The following ST6GALNAC5 variants were observed in gnomAD, a reference collection of about 807,000 sequenced individuals.
The protein encoded by ST6GALNAC5 is ST6 N-acetylgalactosaminide alpha-2,6-sialyltransferase 5.
In ST6GALNAC5, 27 loss-of-function variants were observed where a neutral mutation model predicts 33.6. The ratio of observed to expected loss-of-function variants is 0.80; its 90% CI spans 0.59 to 1.11. The LOEUF (loss-of-function observed/expected upper bound fraction) is 1.11, where lower values mean the gene tolerates loss of function less well. ST6GALNAC5 is among the 50% of genes least tolerant of loss of function. ST6GALNAC5 has a pLI of 0.00. For missense variants in ST6GALNAC5, 428 were observed against 454.0 expected, an observed-to-expected ratio of 0.94 and a Z score of 0.52; for synonymous variants, 194 against 171.2, an observed-to-expected ratio of 1.13 and a Z score of -1.04.
intron 2 of ST6GALNAC5, among the ~76,000 whole-genome samples, chr1:76,929,236 A>G (rs1647113493): frequency 6.6e-6 from 1 of 152,042 alleles, no homozygotes; most frequent in African/African-American, 2.4e-5. Flanking sequence ...AAAAAAAAGT[A>G]AACTAAAATA....
At chr1:76,962,284 C>T (rs1648270986) in intron 2 of ST6GALNAC5, among the ~76,000 whole-genome samples, 1 of 152,068 alleles carries the variant, frequency 6.6e-6, no homozygotes, top group African/African-American at 2.4e-5. Flanking sequence ...CATATCGCTG[C>T]CATAAGGAGT....
intron 3 of ST6GALNAC5, 26 bp from the exon 4 acceptor site, chr1:77,050,232 G>T (rs1209182527): frequency 6.2e-6 from 10 of 1,601,966 alleles, no homozygotes; most frequent in Non-Finnish European, 8.6e-6. Context: ...TTACCAGCTT[G>T]CAGACTTAAT....
chr1:76,874,609 A>G (rs1653585700), intron 2 of ST6GALNAC5, among the ~76,000 whole-genome samples: 1 of 152,166 alleles, frequency 6.6e-6, no homozygotes, highest in African/African-American at 2.4e-5. Flanking sequence ...GTAGGCTGGG[A>G]GACTAGGCCC....
At chr1:76,900,223 G>A (rs1646803972) in intron 2 of ST6GALNAC5, among the ~76,000 whole-genome samples, 1 of 152,122 alleles carries the variant, frequency 6.6e-6, no homozygotes, top group Non-Finnish European at 1.5e-5. Context: ...GATGAGCCAG[G>A]AGAAGGAATT....
rs144577169 is a variant in ST6GALNAC5, at chr1:76,990,872, A to C, written c.262-53332A>C. Among the ~76,000 whole-genome samples, 325 of 152,256 alleles carry C rather than the reference A, an allele frequency of 2.1e-3. 2 individuals carry two copies. Among genetic ancestry groups the C allele is most frequent in the African/African-American group, 7.4e-3 (309 of 41,552 alleles). On this transcript the variant is annotated intron_variant, in intron 2 of 4. Transcript: ENST00000477717. ...ATAGTGCAGTAGTTGGGGATTTATT[A>C]ATGGCAGAGAGCCTTTACCATTTCT...
intron 2 of ST6GALNAC5, among the ~76,000 whole-genome samples, chr1:76,895,229 T>A (rs1654102278): frequency 6.6e-6 from 1 of 152,206 alleles, no homozygotes; most frequent in African/African-American, 2.4e-5. Flanking sequence ...CATTCCTGTC[T>A]TCTTATATTA....
chr1:76,987,624 A>G (rs1649565029), intron 2 of ST6GALNAC5, among the ~76,000 whole-genome samples: 1 of 152,176 alleles, frequency 6.6e-6, no homozygotes. Flanking sequence ...ATGTCCACAC[A>G]AAAGCTTTTG....
intron 2 of ST6GALNAC5, among the ~76,000 whole-genome samples, chr1:76,985,585 C>A (rs1649460823): frequency 6.6e-6 from 1 of 152,082 alleles, no homozygotes; most frequent in South Asian, 2.1e-4. Context: ...GCCACACTGC[C>A]CAGGGTAATT....
chr1:77,000,729 C>G lies in ST6GALNAC5; in HGVS notation c.262-43475C>G, dbSNP rs1028544245. On this transcript the variant is annotated intron_variant, in intron 2 of 4. Transcript: ENST00000477717. ...ACATATGGCTAGCCAGTTTTCCCAG[C>G]ACCATTTATTAAATAGGGAATCCTT... Among the ~76,000 whole-genome samples the G allele has an allele frequency of 1.6e-4, 24 of 150,168 alleles. No individual in the cohort carries two copies. The South Asian group carries it at 5.1e-3, about 32-fold the overall frequency.
At position 76,960,620 on chromosome 1, in the gene ST6GALNAC5, C is replaced by T. The variant is rs190722578; in HGVS notation, c.262-83584C>T. 1.1e-4 allele frequency among the ~76,000 whole-genome samples: 16 copies of T among 152,190 alleles called. No individual in the cohort carries two copies. In the East Asian group the frequency reaches 1.5e-3, roughly 15 times the overall value. ...GGGGCTTATTTCATCCCTACAGCTT[C>T]GACCATAAAAGATGGCCAACCCCCG... On this transcript the variant is annotated intron_variant, in intron 2 of 4. Transcript: ENST00000477717.
intron 2 of ST6GALNAC5, among the ~76,000 whole-genome samples, chr1:76,972,500 G>A (rs1185201316): frequency 2.0e-5 from 3 of 152,106 alleles, no homozygotes; most frequent in Non-Finnish European, 4.4e-5. Flanking sequence ...GCATTTCATA[G>A]CTACACATAG....
intron 2 of ST6GALNAC5, among the ~76,000 whole-genome samples, chr1:77,006,814 C>G (rs944172461): frequency 1.3e-5 from 2 of 152,144 alleles, no homozygotes; most frequent in African/African-American, 4.8e-5. Flanking sequence ...TGTCTGGTCT[C>G]TGTTGGCCTA....
At chr1:76,907,396 A>G (rs1646874428) in intron 2 of ST6GALNAC5, among the ~76,000 whole-genome samples, 1 of 152,190 alleles carries the variant, frequency 6.6e-6, no homozygotes, top group Non-Finnish European at 1.5e-5. Flanking sequence ...CACTTGAGGC[A>G]GCAGGCTGTC....
At chr1:76,949,536 A>G (rs1647662814) in intron 2 of ST6GALNAC5, among the ~76,000 whole-genome samples, 1 of 152,120 alleles carries the variant, frequency 6.6e-6, no homozygotes, top group Non-Finnish European at 1.5e-5. Context: ...TCTGAGCTCC[A>G]GTTTTCCTCA....
intron 2 of ST6GALNAC5, among the ~76,000 whole-genome samples, chr1:77,026,566 T>C (rs997599631): frequency 6.6e-6 from 1 of 152,154 alleles, no homozygotes; most frequent in Non-Finnish European, 1.5e-5. Flanking sequence ...CTTGGCTCCA[T>C]GTGCCAAGCA....
chr1:76,944,566 G>A (rs1465538526), intron 2 of ST6GALNAC5, among the ~76,000 whole-genome samples: 2 of 152,044 alleles, frequency 1.3e-5, no homozygotes, highest in Non-Finnish European at 2.9e-5. Context: ...GGCATCCCCA[G>A]TGCTGGTATG....
intron 4 of ST6GALNAC5, among the ~76,000 whole-genome samples, chr1:77,054,298 G>A (rs1652320136): frequency 6.6e-6 from 1 of 152,220 alleles, no homozygotes; most frequent in Admixed American, 6.5e-5. Flanking sequence ...ACTGGACTCA[G>A]AGAAGTCCTT....
At position 76,868,364 on chromosome 1, in the gene ST6GALNAC5, C is replaced by G; in HGVS notation, c.16-133C>G. On this transcript the variant is annotated intron_variant, in intron 1 of 4. Coordinates refer to ENST00000477717, the MANE Select transcript of ST6GALNAC5 (RefSeq NM_030965.3). This position sits in a 1 kb window ranked among gnomAD's most constrained non-coding sequence, Gnocchi z 4.3. ...GTGCTTTCTCTGTCCCAGTTGCGTG[C>G]GGCGGGGCTGGGGCCCAGGCCGCCC... 1 of 1,335,830 alleles carries G rather than the reference C, an allele frequency of 7.5e-7. No homozygotes were observed. Among genetic ancestry groups the G allele is most frequent in the Non-Finnish European group, 1.0e-6 (1 of 1,004,942 alleles). The allele number at this position is 1,335,830 out of a possible 1,614,324, so 82.7% of individuals were successfully genotyped here.
intron 2 of ST6GALNAC5, among the ~76,000 whole-genome samples, chr1:77,029,777 G>A (rs1358397563): frequency 6.6e-6 from 1 of 152,204 alleles, no homozygotes; most frequent in Non-Finnish European, 1.5e-5. Context: ...AGTTTTACGA[G>A]CAAATGAGGC....
Sources: gnomAD v4.1 joint callset for allele counts (sites outside exome capture counted in the v4.1 genomes callset) on GRCh38, gnomAD v4.1.1 for gene constraint, Gnocchi (gnomAD v3.1) non-coding constraint, MANE v1.5 for transcripts, NCBI Gene and HGNC (gene_info 2026-07-23, HGNC 2026-07-21) for gene names.